The following ERC2 variants were observed in gnomAD, a reference collection of about 807,000 sequenced individuals.
The protein encoded by ERC2 is ERC protein 2.
Under a neutral mutation model 114.8 loss-of-function variants are expected in ERC2, and 42 were observed. The ratio of observed to expected loss-of-function variants is 0.37; its 90% confidence interval spans 0.29 to 0.47. The LOEUF (loss-of-function observed/expected upper bound fraction) is 0.47, where lower values mean the gene tolerates loss of function less well. ERC2 is among the 20% of genes least tolerant of loss of function. The pLI is 0.99. For synonymous variants in ERC2, 454 were observed against 425.5 expected, an observed-to-expected ratio of 1.07 and a Z score of -0.82; for missense variants, 939 against 1,150.7, an observed-to-expected ratio of 0.82 and a Z score of 2.66.
At chr3:55,682,758 T>C (rs2062120109) in intron 17 of ERC2, among the ~76,000 whole-genome samples, 2 of 152,280 alleles carry the variant, frequency 1.3e-5, no homozygotes, top group South Asian at 2.1e-4. Flanking sequence ...TACTTTCTGA[T>C]CAGAAAAAAA....
In ERC2 at chr3:55,620,268, A is replaced by G. The variant is rs535074623; in HGVS notation, c.*39+63526T>C. 1.3e-5 allele frequency among the ~76,000 whole-genome samples: 2 copies of G among 152,348 alleles called. 1 individual carries two copies. Among genetic ancestry groups the G allele is most frequent in the East Asian group, 3.9e-4 (2 of 5,194 alleles). ...CTTTAGATGTAGTAGTACTCTTGAT[A>G]ATAATGCCATCCCCATAATAAAAAT... On this transcript the variant is annotated intron_variant, in intron 17 of 17. Transcript: ENST00000288221.
rs540204065 is a variant in ERC2 at position 55,759,462 on chromosome 3, TAAAAAAA to T, written c.2565-24551_2565-24545del. Among the ~76,000 whole-genome samples the T allele has an allele frequency of 5.7e-3, 205 of 35,978 alleles. 1 individual carries two copies. The highest frequency in any genetic ancestry group is 9.7e-3 in the East Asian group (9 of 924). The allele number at this position is 35,978 out of a possible 152,430, so 23.6% of individuals were successfully genotyped here. On this transcript the variant is annotated intron_variant, in intron 14 of 17. Coordinates refer to ENST00000288221, the MANE Select transcript of ERC2 (RefSeq NM_015576.3). ...CTGGGACGTTTTAAGTCTCTTTCAT[TAAAAAAA>T]AAAAAAAAAAAAAAAAAAAAAAAAA...
At chr3:55,897,592 T>C (rs1006986549) in intron 13 of ERC2, among the ~76,000 whole-genome samples, 3 of 152,158 alleles carry the variant, frequency 2.0e-5, no homozygotes, top group African/African-American at 4.8e-5. Context: ...TAGCTGGACT[T>C]GGCCCAGCAC....
intron 2 of ERC2, among the ~76,000 whole-genome samples, chr3:56,326,388 A>G (rs748986104): frequency 1.3e-5 from 2 of 152,154 alleles, no homozygotes; most frequent in Non-Finnish European, 2.9e-5. Context: ...AGCAAACCCC[A>G]GCTTTTTTTT....
In ERC2 at chr3:56,010,544, G is replaced by A. The variant is rs375921714; in HGVS notation, c.1825C>T (p.Arg609Trp). The stretch of plus-strand genomic sequence containing the variant: ...GATTCTATCTCTTCTAGTCTTTCCC[G>A]ATCATCTCTTTCTCGCTGTTCTTTC... Reference protein sequence around the residue: ...RLKEQRERDDRERLEEIESFR... With the variant: ...RLKEQRERDDWERLEEIESFR... The change falls in exon 9 of 18, where the codon CGG becomes TGG. Residue 609 changes from arginine (R) to tryptophan (W), a missense_variant. Arg to Trp is a moderately radical substitution (Grantham distance 101). Coordinates refer to ENST00000288221, the MANE Select transcript of ERC2 (RefSeq NM_015576.3). The A allele has an allele frequency of 2.2e-5, 35 of 1,613,258 alleles. No homozygotes were observed. The highest frequency in any genetic ancestry group is 2.7e-5 in the Non-Finnish European group (32 of 1,179,654).
intron 15 of ERC2, among the ~76,000 whole-genome samples, chr3:55,725,778 T>C (rs2064872703): frequency 6.6e-6 from 1 of 152,260 alleles, no homozygotes; most frequent in African/African-American, 2.4e-5. Context: ...GCCCTTCTGA[T>C]AGGGATTTGA....
chr3:56,138,534 A>G (rs1440933085), intron 6 of ERC2, among the ~76,000 whole-genome samples: 1 of 152,198 alleles, frequency 6.6e-6, no homozygotes, highest in Non-Finnish European at 1.5e-5. Flanking sequence ...GCCTCTGGAC[A>G]CTGTCGTGCA....
At position 55,950,483 on chromosome 3, in the gene ERC2, A is replaced by G. The variant is rs2067423308; in HGVS notation, c.2345T>C (p.Leu782Ser). Residue 782 changes from leucine to serine, a missense_variant, in exon 13 of 18, where the codon TTA becomes TCA. Leu to Ser is a moderately radical substitution (Grantham distance 145). Transcript: ENST00000288221. ...TTCTCGCCTGCGCACTTCTTCTAGT[A>G]ACTGAGCATTTTTCTTCTTTTCCAA... ...QQLEKKKNAQ[L>S]LEEVRRREDS... is the part of the protein sequence containing the mutation. 6.2e-7 allele frequency: 1 copy of G among 1,613,942 alleles called. No individual in the cohort carries two copies. The highest frequency in any genetic ancestry group is 1.7e-5 in the Admixed American group (1 of 60,012).
chr3:56,089,335 G>C (rs1327230334), intron 6 of ERC2, among the ~76,000 whole-genome samples: 2 of 152,162 alleles, frequency 1.3e-5, no homozygotes, highest in African/African-American at 4.8e-5. Context: ...GCAGTGGCTA[G>C]AAATGTTGCA....
chr3:55,616,181 T>C (rs1191950754), intron 17 of ERC2, among the ~76,000 whole-genome samples: 2 of 152,168 alleles, frequency 1.3e-5, no homozygotes, highest in East Asian at 3.9e-4. Context: ...TTTCACAACA[T>C]GAAAGGTCAG....
intron 17 of ERC2, among the ~76,000 whole-genome samples, chr3:55,673,048 C>T (rs2148741743): frequency 6.6e-6 from 1 of 152,280 alleles, no homozygotes; most frequent in East Asian, 1.9e-4. Flanking sequence ...CCCTGTGTCC[C>T]AAGCCTGTTA....
chr3:56,310,719 C>T (rs970409724), intron 2 of ERC2, among the ~76,000 whole-genome samples: 3 of 152,106 alleles, frequency 2.0e-5, no homozygotes, highest in Non-Finnish European at 4.4e-5. Context: ...CTCCATGCTA[C>T]TCAGAGGATC....
Position 55,984,512 on chromosome 3 carries a change from G to C in ERC2, c.2267+1465C>G, listed in dbSNP as rs144294885. On this transcript the variant is annotated intron_variant, in intron 12 of 17. Transcript: ENST00000288221. ...AGGCAGGCAAGGAGAAAAGCTTGAA[G>C]CTTCATTAAATGAGTGAATCAAAAA... Among the ~76,000 whole-genome samples the C allele has an allele frequency of 4.4e-3, 674 of 152,246 alleles. 5 individuals carry two copies. The highest frequency in any genetic ancestry group is 0.015 in the African/African-American group (641 of 41,548).
At chr3:55,656,890 A>G (rs2060893492) in intron 17 of ERC2, among the ~76,000 whole-genome samples, 1 of 152,216 alleles carries the variant, frequency 6.6e-6, no homozygotes, top group Admixed American at 6.5e-5. Flanking sequence ...GTCACGATGA[A>G]GAGAAGAATG....
intron 17 of ERC2, among the ~76,000 whole-genome samples, chr3:55,574,792 C>A (rs1410447824): frequency 1.3e-5 from 2 of 152,306 alleles, no homozygotes; most frequent in Non-Finnish European, 1.5e-5. Flanking sequence ...CCCATAAGTT[C>A]TCTTCAGTGA....
intron 7 of ERC2, among the ~76,000 whole-genome samples, chr3:56,078,916 T>C (rs897691576): frequency 1.3e-5 from 2 of 150,926 alleles, no homozygotes; most frequent in Non-Finnish European, 3.0e-5. Flanking sequence ...GTCAAATGGT[T>C]AAAAGTTCTA....
At chr3:55,556,853 C>T (rs764117106) in intron 17 of ERC2, among the ~76,000 whole-genome samples, 1 of 152,090 alleles carries the variant, frequency 6.6e-6, no homozygotes. Flanking sequence ...TTTTTGCTTG[C>T]AAATGAAAGA....
At chr3:55,517,857 T>C (rs552252699) in intron 17 of ERC2, among the ~76,000 whole-genome samples, 2 of 152,380 alleles carry the variant, frequency 1.3e-5, no homozygotes, top group East Asian at 1.9e-4. Context: ...AGGTACTCTA[T>C]GCACTTTTTA....
intron 14 of ERC2, among the ~76,000 whole-genome samples, chr3:55,866,166 T>C (rs1451732132): frequency 6.6e-6 from 1 of 152,214 alleles, no homozygotes. Flanking sequence ...TGTAAAGTGG[T>C]ATCTCATTGT....
Sources: gnomAD v4.1 joint callset for allele counts (sites outside exome capture counted in the v4.1 genomes callset) on GRCh38, gnomAD v4.1.1 for gene constraint, MANE v1.5 for transcripts, NCBI Gene and HGNC (gene_info 2026-07-23, HGNC 2026-07-21) for gene names.